Variants in PTH1R observed in about 807,000 individuals in gnomAD.
The protein encoded by PTH1R is parathyroid hormone/parathyroid hormone-related peptide receptor.
In PTH1R, 32 loss-of-function variants were observed where a neutral mutation model predicts 70.7. That is an observed-to-expected ratio of 0.45 (90% CI 0.34 to 0.61). The LOEUF is 0.61. Ranked by LOEUF, PTH1R falls within the 20% of genes least tolerant of loss-of-function variation. PTH1R has a pLI of 0.01. For missense variants in PTH1R, 626 were observed against 792.5 expected, an observed-to-expected ratio of 0.79 and a Z score of 2.52; for synonymous variants, 329 against 324.8, an observed-to-expected ratio of 1.01 and a Z score of -0.14.
intron 2 of PTH1R, 112 bp downstream of exon 2, chr3:46,881,230 T>G (rs927311865): frequency 6.6e-6 from 1 of 152,112 alleles, no homozygotes; most frequent in African/African-American, 2.4e-5. Context: ...CCCCAGCCCC[T>G]CCCTCTGCCT....
chr3:46,900,189 C>A (rs534707653), intron 10 of PTH1R, among the ~76,000 whole-genome samples: 4 of 152,166 alleles, frequency 2.6e-5, no homozygotes, highest in Admixed American at 2.6e-4. Flanking sequence ...CCCTGCCCCT[C>A]GACATACATC....
chr3:46,895,067 AAAAAAAAC>A lies in PTH1R; in HGVS notation c.179-660_179-653del, dbSNP rs1265045222. Among the ~76,000 whole-genome samples, 262 of 105,858 alleles carry A rather than the reference AAAAAAAAC, an allele frequency of 2.5e-3. 10 individuals are homozygous for A. Among genetic ancestry groups the A allele is most frequent in the Non-Finnish European group, 4.5e-3 (192 of 42,238 alleles). The allele number at this position is 105,858 out of a possible 152,430, so 69.4% of individuals were successfully genotyped here. On this transcript the variant is annotated intron_variant, in intron 4 of 15. Coordinates refer to ENST00000449590, the MANE Select transcript of PTH1R (RefSeq NM_000316.3). ...CGATAGAGGGAGACCTTGTCTCAAA[AAAAAAAAC>A]AAAAAAAACAAACAAACAAAAAAAA...
At chr3:46,888,045 T>G (rs541651127) in intron 3 of PTH1R, among the ~76,000 whole-genome samples, 1 of 152,372 alleles carries the variant, frequency 6.6e-6, no homozygotes, top group South Asian at 2.1e-4. Context: ...CTAAAAAGCT[T>G]GTGCTGCTTT....
chr3:46,900,206 C>G (rs948043701), intron 10 of PTH1R, among the ~76,000 whole-genome samples: 1 of 152,190 alleles, frequency 6.6e-6, no homozygotes, highest in African/African-American at 2.4e-5. Context: ...CATCCTGACC[C>G]TGACCTCACC....
Position 46,903,235 on chromosome 3 carries a change from GAC to G in PTH1R, c.1396-30_1396-29del. The G allele has an allele frequency of 6.2e-7, 1 of 1,610,576 alleles. No homozygotes were observed. Among genetic ancestry groups the G allele is most frequent in the African/African-American group, 1.3e-5 (1 of 74,940 alleles). Reference sequence around the variant, plus strand: ...GGATGGGGCATCGCTGGGGTTGGGAGACACACCTGACTGCCGCACCCTTACTG... The same window carrying G: ...GGATGGGGCATCGCTGGGGTTGGGAGACACCTGACTGCCGCACCCTTACTG... On this transcript the variant is annotated intron_variant, in intron 15 of 15. Coordinates refer to ENST00000449590, the MANE Select transcript of PTH1R (RefSeq NM_000316.3). This position sits in a 1 kb window ranked among gnomAD's most constrained non-coding sequence, Gnocchi z 4.4.
At position 46,903,779 on chromosome 3, in the gene PTH1R, A is replaced by C; in HGVS notation, c.*123A>C. On this transcript the variant is annotated 3_prime_UTR_variant, in exon 16 of 16. Coordinates refer to ENST00000449590, the MANE Select transcript of PTH1R (RefSeq NM_000316.3). This position sits in a 1 kb window ranked among gnomAD's most constrained non-coding sequence, Gnocchi z 4.4. Reference sequence around the variant, plus strand: ...GGAAAAACAGGGAAAAAAAGAAAAAAAAAAGAAAAAGGAAAAGGAAGCGGT... The same window carrying C: ...GGAAAAACAGGGAAAAAAAGAAAAACAAAAGAAAAAGGAAAAGGAAGCGGT... The C allele has an allele frequency of 6.7e-7, 1 of 1,499,336 alleles. No individual in the cohort carries two copies. Among genetic ancestry groups the C allele is most frequent in the Admixed American group, 2.1e-5 (1 of 48,018 alleles). The allele number at this position is 1,499,336 out of a possible 1,614,324, so 92.9% of individuals were successfully genotyped here.
chr3:46,894,932 T>G (rs1354063110), intron 4 of PTH1R, among the ~76,000 whole-genome samples: 1 of 151,594 alleles, frequency 6.6e-6, no homozygotes. Flanking sequence ...GGTATGGTGG[T>G]GCACACCTGT....
Position 46,884,726 on chromosome 3 carries a change from G to C in PTH1R, c.75+1092G>C, listed in dbSNP as rs1262124264. On this transcript the variant is annotated intron_variant, in intron 3 of 15. Transcript: ENST00000449590. This position sits in a 1 kb window ranked among gnomAD's most constrained non-coding sequence, Gnocchi z 4.8. ...GCTCCCTACACGGGGCAGAGCTCCA[G>C]GCAGTTCCAATGAGCCTGGGATTCC... 1.3e-5 allele frequency among the ~76,000 whole-genome samples: 2 copies of C among 152,248 alleles called. No individual in the cohort carries two copies. Among genetic ancestry groups the C allele is most frequent in the Non-Finnish European group, 2.9e-5 (2 of 68,042 alleles).
Position 46,903,256 on chromosome 3 carries a change from C to G in PTH1R, c.1396-14C>G, listed in dbSNP as rs763344217. 6.2e-7 allele frequency: 1 copy of G among 1,612,102 alleles called. No individual in the cohort carries two copies. The highest frequency in any genetic ancestry group is 2.2e-5 in the East Asian group (1 of 44,854). On this transcript the variant is annotated splice_polypyrimidine_tract_variant and intron_variant, in intron 15 of 15. Transcript: ENST00000449590. The surrounding 1 kb of genome is among the most constrained non-coding windows in gnomAD (Gnocchi z 4.4). ...GGGAGACACACCTGACTGCCGCACCCTTACTGCCCCAAGGTACAAGCTGAG... is the reference window on the plus strand; with the variant it reads ...GGGAGACACACCTGACTGCCGCACCGTTACTGCCCCAAGGTACAAGCTGAG...
intron 3 of PTH1R, among the ~76,000 whole-genome samples, chr3:46,886,364 G>C (rs757136823): frequency 6.6e-6 from 1 of 152,070 alleles, no homozygotes; most frequent in Non-Finnish European, 1.5e-5. Context: ...TTGCTTGCTT[G>C]CTTTTTTTCT....
intron 3 of PTH1R, among the ~76,000 whole-genome samples, chr3:46,885,579 A>G (rs957205816): frequency 6.6e-6 from 1 of 152,210 alleles, no homozygotes; most frequent in Non-Finnish European, 1.5e-5. Context: ...AAGCTGAGAT[A>G]TATGCAGAGA....
At chr3:46,898,021 G>A (rs1195820534) in intron 6 of PTH1R, 53 bp from the exon 7 acceptor site, 1 of 1,612,858 alleles carries the variant, frequency 6.2e-7, no homozygotes, top group Non-Finnish European at 8.5e-7. Context: ...TGGAGCTAGG[G>A]GTTCAGTGCC....
intron 3 of PTH1R, among the ~76,000 whole-genome samples, chr3:46,888,119 A>C (rs2031157055): frequency 6.6e-6 from 1 of 152,134 alleles, no homozygotes. Context: ...GTCTCATAGG[A>C]TGTTAAGAGG....
chr3:46,890,969 G>T (rs1397674606), intron 3 of PTH1R, among the ~76,000 whole-genome samples: 3 of 152,244 alleles, frequency 2.0e-5, no homozygotes, highest in Admixed American at 2.0e-4. Context: ...GAGTGAACAG[G>T]AGTGGGGGCA....
chr3:46,879,503 G>A lies in PTH1R; in HGVS notation c.-105-1559G>A, dbSNP rs575354950. 6.6e-6 allele frequency among the ~76,000 whole-genome samples: 1 copy of A among 152,316 alleles called. No individual in the cohort carries two copies. The highest frequency in any genetic ancestry group is 2.1e-4 in the South Asian group (1 of 4,828). ...CATGCCTGTAATCCCAGCACTTTGG[G>A]AGGCCGAGGCAGGAGGACTGCTTGA... On this transcript the variant is annotated intron_variant, in intron 1 of 15. Coordinates refer to ENST00000449590, the MANE Select transcript of PTH1R (RefSeq NM_000316.3). This position sits in a 1 kb window ranked among gnomAD's most constrained non-coding sequence, Gnocchi z 4.7.
chr3:46,892,811 C>T lies in PTH1R; in HGVS notation c.76-1096C>T, dbSNP rs1218457631. On this transcript the variant is annotated intron_variant, in intron 3 of 15. Coordinates refer to ENST00000449590, the MANE Select transcript of PTH1R (RefSeq NM_000316.3). The surrounding 1 kb of genome is among the most constrained non-coding windows in gnomAD (Gnocchi z 5.2). ...CGCGGAGCTGAGGAGACGTAGCCTT[C>T]TGGGGTAGGGATGGAGGGGGTCGTC... 2.0e-6 allele frequency: 2 copies of T among 985,558 alleles called. No homozygotes were observed. Among genetic ancestry groups the T allele is most frequent in the Non-Finnish European group, 2.4e-6 (2 of 830,124 alleles). The allele number at this position is 985,558 out of a possible 1,614,324, so 61.1% of individuals were successfully genotyped here.
In PTH1R at chr3:46,884,253, T is replaced by C. The variant is rs2030871020; in HGVS notation, c.75+619T>C. Among the ~76,000 whole-genome samples the C allele has an allele frequency of 6.6e-6, 1 of 152,070 alleles. No homozygotes were observed. Among genetic ancestry groups the C allele is most frequent in the Non-Finnish European group, 1.5e-5 (1 of 68,008 alleles). ...GCACCCCTGTAGGAGAAGCACAGCA[T>C]ATCCTGTGGGGAAGTGAGGAGACCC... On this transcript the variant is annotated intron_variant, in intron 3 of 15. Coordinates refer to ENST00000449590, the MANE Select transcript of PTH1R (RefSeq NM_000316.3). The surrounding 1 kb of genome is among the most constrained non-coding windows in gnomAD (Gnocchi z 4.8).
intron 3 of PTH1R, among the ~76,000 whole-genome samples, chr3:46,887,373 T>G (rs972275380): frequency 6.6e-6 from 1 of 151,308 alleles, no homozygotes; most frequent in Non-Finnish European, 1.5e-5. Flanking sequence ...GAGAATTGCT[T>G]GAGCCCAGAA....
Position 46,901,531 on chromosome 3 carries a change from C to T in PTH1R, c.1116+51C>T, listed in dbSNP as rs776022941. 5.2e-6 allele frequency: 8 copies of T among 1,546,476 alleles called. No homozygotes were observed. The highest frequency in any genetic ancestry group is 2.0e-5 in the Admixed American group (1 of 51,094). Reference sequence around the variant, plus strand: ...CAGGGGTGGGTGGGATGTGCGCCTGCGTCCCCTGGAACCAGCCCCTGACAG... The same window carrying T: ...CAGGGGTGGGTGGGATGTGCGCCTGTGTCCCCTGGAACCAGCCCCTGACAG... On this transcript the variant is annotated intron_variant, in intron 12 of 15. Coordinates refer to ENST00000449590, the MANE Select transcript of PTH1R (RefSeq NM_000316.3). This position sits in a 1 kb window ranked among gnomAD's most constrained non-coding sequence, Gnocchi z 7.3.
Sources: gnomAD v4.1 joint callset for allele counts (sites outside exome capture counted in the v4.1 genomes callset) on GRCh38, gnomAD v4.1.1 for gene constraint, Gnocchi (gnomAD v3.1) non-coding constraint, MANE v1.5 for transcripts, NCBI Gene and HGNC (gene_info 2026-07-23, HGNC 2026-07-21) for gene names.